Variants in KRT5 observed in about 807,000 individuals in gnomAD.
KRT5 encodes the protein keratin, type II cytoskeletal 5.
In KRT5, 17 loss-of-function variants were observed where a neutral mutation model predicts 44.0. The ratio of observed to expected loss-of-function variants is 0.39; its 90% CI spans 0.26 to 0.58. The LOEUF is 0.58. Ranked by LOEUF, KRT5 falls within the 20% of genes least tolerant of loss-of-function variation. KRT5 has a pLI of 0.61. For missense variants in KRT5, 737 were observed against 785.5 expected (o/e 0.94, Z 0.74); for synonymous variants, 329 against 312.8 (o/e 1.05, Z -0.55).
chr12:52,517,951 G>T lies in KRT5; in HGVS notation c.873C>A (p.Ala291=), dbSNP rs1938641926. ...TCTCATCCATCAGTGCATCAACCTTGGCCTCCAGCTCCACCTTGTTCATGT... is the reference window on the plus strand; with the variant it reads ...TCTCATCCATCAGTGCATCAACCTTTGCCTCCAGCTCCACCTTGTTCATGT... ...AAYMNKVELE[A]KVDALMDEIN... The change falls in exon 4 of 9, where the codon GCC becomes GCA. Residue 291 remains alanine, a synonymous_variant. Coordinates refer to ENST00000252242, the MANE Select transcript of KRT5 (RefSeq NM_000424.4). 1 of 1,614,066 alleles carries T rather than the reference G, an allele frequency of 6.2e-7. No homozygotes were observed. Among genetic ancestry groups the T allele is most frequent in the Non-Finnish European group, 8.5e-7 (1 of 1,180,020 alleles).
At chr12:52,516,518 A>G (rs150128589) in intron 7 of KRT5, 119 bp downstream of exon 7, 3 of 1,014,390 alleles carry the variant, frequency 3.0e-6, no homozygotes, top group Middle Eastern at 3.0e-4. Context: ...AATAGTGTTG[A>G]TGATGTGTCA....
Position 52,520,195 on chromosome 12 carries a change from G to A in KRT5, c.102C>T (p.Ser34=), listed in dbSNP as rs377261145. The A allele has an allele frequency of 4.2e-5, 67 of 1,613,950 alleles. No homozygotes were observed. The highest frequency in any genetic ancestry group is 5.3e-5 in the Non-Finnish European group (63 of 1,179,976). ...TPSVSRTSFT[S]VSRSGGGGGG... is the part of the protein sequence containing the mutation. The stretch of plus-strand genomic sequence containing the variant: ...CACCGCCACCCCCGGACCGGGACAC[G>A]GAGGTGAAGCTGGTGCGGGAGACAG... Residue 34 remains serine, a synonymous_variant, in exon 1 of 9, where the codon TCC becomes TCT. Transcript: ENST00000252242.
rs57378129 is a variant in KRT5, at chr12:52,519,798, C to T, written c.499G>A (p.Glu167Lys). Residue 167 changes from glutamate to lysine, a missense_variant, in exon 1 of 9, where the codon GAG (glutamate) becomes AAG (lysine). Physicochemically the swap from Glu to Lys is moderately conservative, Grantham distance 56. Transcript: ENST00000252242. ...AGGGTCTTGATCTGCTCGCGCTCCTCGGTCCTCACCCTCTGGATGCTGGGG... is the reference window on the plus strand; with the variant it reads ...AGGGTCTTGATCTGCTCGCGCTCCTTGGTCCTCACCCTCTGGATGCTGGGG... ...IDPSIQRVRT[E>K]EREQIKTLNN... is the part of the protein sequence containing the mutation. 12 of 1,613,996 alleles carry T rather than the reference C, an allele frequency of 7.4e-6. No individual in the cohort carries two copies. The highest frequency in any genetic ancestry group is 1.1e-5 in the South Asian group (1 of 91,060).
chr12:52,517,109 G>A lies in KRT5; in HGVS notation c.1216C>T (p.Gln406Ter). 1 of 1,614,106 alleles carries A rather than the reference G, an allele frequency of 6.2e-7. No individual in the cohort carries two copies. The highest frequency in any genetic ancestry group is 8.5e-7 in the Non-Finnish European group (1 of 1,180,018). ...LRAEIDNVKKQCANLQNAIAD... is the reference protein window; with the variant it reads ...LRAEIDNVKK ...GCCCTCTTTCAATCTCACCCTACCT[G>A]TTTCTTGACATTGTCAATCTCGGCT... Residue 406 changes from glutamine (Q) to a stop codon, truncating the protein, a stop_gained and splice_region_variant, in exon 6 of 9, where the codon CAG becomes TAG. Transcript: ENST00000252242. LOFTEE classifies it high-confidence loss of function.
chr12:52,514,579 A>C lies in KRT5; in HGVS notation c.*363T>G. 1 of 274,006 alleles carries C rather than the reference A, an allele frequency of 3.6e-6. No individual in the cohort carries two copies. The allele number at this position is 274,006 out of a possible 1,614,324, so 17.0% of individuals were successfully genotyped here. ...AAAACAATTCTGCACACCAGCTTAT[A>C]TTATAAAAGCATTTTATTGAACACA... On this transcript the variant is annotated 3_prime_UTR_variant, in exon 9 of 9. Transcript: ENST00000252242.
At chr12:52,518,253 G>A in intron 2 of KRT5, 90 bp from the exon 3 acceptor site, 1 of 1,250,622 alleles carries the variant, frequency 8.0e-7, no homozygotes, top group Admixed American at 1.7e-5. Flanking sequence ...GCCTACTTTT[G>A]CAGTGGGAAG....
intron 4 of KRT5, 67 bp downstream of exon 4, chr12:52,517,830 T>C: frequency 1.2e-6 from 2 of 1,608,522 alleles, no homozygotes; most frequent in Non-Finnish European, 1.7e-6. Flanking sequence ...AATCTTTCAC[T>C]CATTGTGATA....
chr12:52,516,520 G>T, intron 7 of KRT5, 117 bp downstream of exon 7: 2 of 1,021,178 alleles, frequency 2.0e-6, no homozygotes, highest in Non-Finnish European at 3.1e-6. Flanking sequence ...TAGTGTTGAT[G>T]ATGTGTCATT....
chr12:52,516,589 T>C, intron 7 of KRT5, 48 bp downstream of exon 7: 1 of 1,578,340 alleles, frequency 6.3e-7, no homozygotes, highest in Non-Finnish European at 8.7e-7. Flanking sequence ...GTAGAGCAGC[T>C]TCGCTTTATC....
chr12:52,519,179 T>A lies in KRT5; in HGVS notation c.556-19A>T. 2 of 1,613,922 alleles carry A rather than the reference T, an allele frequency of 1.2e-6. No homozygotes were observed. The highest frequency in any genetic ancestry group is 1.7e-6 in the Non-Finnish European group (2 of 1,179,892). ...ACCGCACCTGGAGGGGAGCAGGGTT[T>A]GAAGATAGAGAAACTTGGATTTCAT... On this transcript the variant is annotated intron_variant, in intron 1 of 8. Transcript: ENST00000252242.
chr12:52,514,639 G>T lies in KRT5; in HGVS notation c.*303C>A. 1 of 425,386 alleles carries T rather than the reference G, an allele frequency of 2.4e-6. No individual in the cohort carries two copies. Among genetic ancestry groups the T allele is most frequent in the Non-Finnish European group, 4.2e-6 (1 of 239,208 alleles). The allele number at this position is 425,386 out of a possible 1,614,324, so 26.4% of individuals were successfully genotyped here. ...TAGTTAGAACCAAAACAAAATTTGG[G>T]ATTGGGGTGGGGATTCTGTTTTGAT... is the stretch of plus-strand genomic sequence containing the variant. On this transcript the variant is annotated 3_prime_UTR_variant, in exon 9 of 9. Transcript: ENST00000252242.
At chr12:52,518,469 G>T (rs1026930237) in intron 2 of KRT5, 52 of 596,838 alleles carry the variant, frequency 8.7e-5, no homozygotes, top group African/African-American at 7.8e-4. Context: ...AATTTCTCTA[G>T]TGTTCTTTTT....
rs559374065 is a variant in KRT5, at chr12:52,519,173, A to C, written c.556-13T>G. On this transcript the variant is annotated splice_polypyrimidine_tract_variant and intron_variant, in intron 1 of 8. Transcript: ENST00000252242. ...CCAGGAACCGCACCTGGAGGGGAGCAGGGTTTGAAGATAGAGAAACTTGGA... is the reference window on the plus strand; with the variant it reads ...CCAGGAACCGCACCTGGAGGGGAGCCGGGTTTGAAGATAGAGAAACTTGGA... 4 of 1,613,942 alleles carry C rather than the reference A, an allele frequency of 2.5e-6. No individual in the cohort carries two copies. The highest frequency in any genetic ancestry group is 1.7e-5 in the Admixed American group (1 of 60,000).
rs766857995 is a variant in KRT5, at chr12:52,517,627, C to T, written c.1055G>A (p.Arg352His). Residue 352 changes from arginine to histidine, a missense_variant, in exon 5 of 9, where the codon CGC (arginine) becomes CAC (histidine). Arg to His is a conservative substitution (Grantham distance 29). Transcript: ENST00000252242. The part of the protein sequence containing the change: ...VKAQYEEIAN[R>H]SRTEAESWYQ... ...CCAGGACTCGGCTTCTGTCCGGCTGCGGTTGGCAATCTCCTCATACTGGGC... is the reference window on the plus strand; with the variant it reads ...CCAGGACTCGGCTTCTGTCCGGCTGTGGTTGGCAATCTCCTCATACTGGGC... The T allele has an allele frequency of 6.2e-5, 100 of 1,614,132 alleles. No individual in the cohort carries two copies. The highest frequency in any genetic ancestry group is 1.7e-4 in the Middle Eastern group (1 of 6,060).
chr12:52,515,203 A>C lies in KRT5; in HGVS notation c.1512T>G (p.Ser504Arg), dbSNP rs754888747. Residue 504 changes from serine to arginine, a missense_variant, in exon 9 of 9, where the codon AGT (serine) becomes AGG (arginine). Physicochemically the swap from Ser to Arg is moderately radical, Grantham distance 110. This residue lies in a region of KRT5 where 344 missense variants were observed against 351.6 expected (regional missense o/e 0.98). Transcript: ENST00000252242. ...VTSSVSSGYGSGSGYGGGLGG... is the reference protein window; with the variant it reads ...VTSSVSSGYGRGSGYGGGLGG... ...CGAGGCCACCGCCATAGCCACTGCCACTGCCATATCCAGAGGAAACACTGC... is the reference window on the plus strand; with the variant it reads ...CGAGGCCACCGCCATAGCCACTGCCCCTGCCATATCCAGAGGAAACACTGC... 1.3e-5 allele frequency: 21 copies of C among 1,610,620 alleles called. No homozygotes were observed. The highest frequency in any genetic ancestry group is 1.8e-5 in the Non-Finnish European group (21 of 1,179,922).
In KRT5 at chr12:52,517,668, G is replaced by T; in HGVS notation, c.1014C>A (p.Ile338=). Residue 338 remains isoleucine (I), a synonymous_variant, in exon 5 of 9, where the codon ATC becomes ATA. Coordinates refer to ENST00000252242, the MANE Select transcript of KRT5 (RefSeq NM_000424.4). ...CATACTGGGCCTTGACCTCAGCGAT[G>T]ATGCTATCCAGGTCCAGGTTGCGGT... The part of the protein sequence containing the change: ...DNNRNLDLDS[I]IAEVKAQYEE... 3 of 1,614,202 alleles carry T rather than the reference G, an allele frequency of 1.9e-6. No homozygotes were observed. Among genetic ancestry groups the T allele is most frequent in the Non-Finnish European group, 2.5e-6 (3 of 1,180,032 alleles).
chr12:52,515,292 G>C (rs752574978), intron 8 of KRT5, 52 bp from the exon 9 acceptor site: 2 of 1,600,194 alleles, frequency 1.2e-6, no homozygotes, highest in Non-Finnish European at 8.5e-7. Context: ...GGCTGATCCT[G>C]CATGGCCCAT....
intron 7 of KRT5, 120 bp from the exon 8 acceptor site, chr12:52,515,952 C>T: frequency 1.2e-6 from 1 of 833,802 alleles, no homozygotes; most frequent in Non-Finnish European, 2.1e-6. Context: ...TCTGTACACC[C>T]AAAAGCTGCT....
chr12:52,516,269 A>C (rs12231130), intron 7 of KRT5: 53,477 of 392,356 alleles, frequency 0.14, 4,054 homozygotes, highest in African/African-American at 0.18. Flanking sequence ...AGCTGGAGTA[A>C]ACATGAAAGC....
Sources: allele counts gnomAD v4.1 joint callset, GRCh38; gene constraint gnomAD v4.1.1; regional missense constraint gnomAD v4.1.1; transcripts MANE v1.5; gene names NCBI Gene and HGNC (gene_info 2026-07-23, HGNC 2026-07-21).